The following PDE12 variants were observed in gnomAD, a reference collection of about 807,000 sequenced individuals.
The protein encoded by PDE12 is phosphodiesterase 12.
Under a neutral mutation model 45.4 loss-of-function variants are expected in PDE12, and 26 were observed. That is an observed-to-expected ratio of 0.57 (90% confidence interval 0.42 to 0.79). The LOEUF is 0.79. Among genes scored for constraint, PDE12 ranks in the 30% least tolerant of loss-of-function variants. The pLI is 0.00. For synonymous variants in PDE12, 283 were observed against 323.9 expected (o/e 0.87, Z 1.36); for missense variants, 668 against 790.0 (o/e 0.85, Z 1.85).
At chr3:57,601,437 T>C in the PDE12 span, among the ~76,000 whole-genome samples, 1 of 152,076 alleles carries the variant, frequency 6.6e-6, no homozygotes, top group Non-Finnish European at 1.5e-5. Flanking sequence ...TGAGATCTTT[T>C]TAGTCACAAA....
the PDE12 span, chr3:57,597,285 C>G: frequency 1.4e-6 from 1 of 726,454 alleles, no homozygotes; most frequent in Non-Finnish European, 2.3e-6. Flanking sequence ...GTCTCAGTGG[C>G]CCCTGTGCCG....
the PDE12 span, among the ~76,000 whole-genome samples, chr3:57,648,845 TC>T: frequency 2.0e-5 from 3 of 152,302 alleles, no homozygotes; most frequent in South Asian, 6.2e-4. Context: ...TCCTCATCTC[TC>T]ATCCTTTACA....
downstream of PDE12, among the ~76,000 whole-genome samples, chr3:57,568,902 G>A (rs930742539): frequency 7.3e-5 from 11 of 151,334 alleles, no homozygotes; most frequent in Non-Finnish European, 1.6e-4. Flanking sequence ...GAACCAGAGA[G>A]CAGATAATCG....
At chr3:57,614,547 T>G in the PDE12 span, among the ~76,000 whole-genome samples, 60 of 100,244 alleles carry the variant, frequency 6.0e-4, no homozygotes, top group Admixed American at 5.1e-3. Context: ...GTTTTTTGTT[T>G]TTTTTTTTTT....
chr3:57,623,796 C>T, the PDE12 span, among the ~76,000 whole-genome samples: 1 of 152,120 alleles, frequency 6.6e-6, no homozygotes, highest in African/African-American at 2.4e-5. Context: ...TTCAGACTGG[C>T]TGACATGGAA....
the PDE12 span, among the ~76,000 whole-genome samples, chr3:57,605,849 G>GATGA: frequency 6.6e-6 from 1 of 152,002 alleles, no homozygotes; most frequent in Non-Finnish European, 1.5e-5. Flanking sequence ...CAATGTCTGA[G>GATGA]ATGAAAAGTA....
chr3:57,584,275 A>T, the PDE12 span: 2 of 1,091,604 alleles, frequency 1.8e-6, no homozygotes, highest in Non-Finnish European at 2.7e-6. Context: ...TTTTAAAAGT[A>T]CTTCTAAGAT....
the PDE12 span, chr3:57,630,348 C>T: frequency 2.2e-6 from 3 of 1,350,034 alleles, no homozygotes; most frequent in Non-Finnish European, 3.0e-6. Context: ...AGGGTACAAT[C>T]TTCAACTTCT....
the PDE12 span, among the ~76,000 whole-genome samples, chr3:57,601,547 A>T: frequency 6.6e-6 from 1 of 152,254 alleles, no homozygotes; most frequent in African/African-American, 2.4e-5. Context: ...TTCAGCCAAT[A>T]GCAGATGTGG....
the PDE12 span, among the ~76,000 whole-genome samples, chr3:57,622,102 G>C: frequency 6.6e-6 from 1 of 152,188 alleles, no homozygotes; most frequent in Non-Finnish European, 1.5e-5. Flanking sequence ...CTTGAACCCG[G>C]GAGGTGGAGG....
At chr3:57,582,309 C>G in the PDE12 span, among the ~76,000 whole-genome samples, 1 of 149,440 alleles carries the variant, frequency 6.7e-6, no homozygotes, top group African/African-American at 2.5e-5. Context: ...ATGGTGTGAT[C>G]TCGGCTCATC....
At chr3:57,606,041 AAG>A in the PDE12 span, among the ~76,000 whole-genome samples, 1 of 152,198 alleles carries the variant, frequency 6.6e-6, no homozygotes, top group East Asian at 1.9e-4. Context: ...AAGTCCCTAA[AAG>A]AAGGGAAGAG....
the PDE12 span, among the ~76,000 whole-genome samples, chr3:57,604,735 C>G: frequency 6.6e-6 from 1 of 151,320 alleles, no homozygotes; most frequent in African/African-American, 2.4e-5. Flanking sequence ...CCCTTAGTCT[C>G]CTGAGCAGCT....
the PDE12 span, chr3:57,597,703 G>C: frequency 6.5e-6 from 1 of 153,492 alleles, no homozygotes; most frequent in African/African-American, 2.4e-5. Context: ...AGGTATTGTC[G>C]GGGTGATAGT....
rs151164510 is a variant in PDE12 at position 57,558,651 on chromosome 3, C to T, written c.1309-659C>T. On this transcript the variant is annotated intron_variant, in intron 1 of 2. Coordinates refer to ENST00000311180, the MANE Select transcript of PDE12 (RefSeq NM_177966.7). ...GACTAGAGGCGCGTGCCACCACGCC[C>T]GGCTAATTTTTTTAGTAGAGACGGG... 4.9e-3 allele frequency among the ~76,000 whole-genome samples: 740 copies of T among 151,978 alleles called. 4 individuals are homozygous for T. The highest frequency in any genetic ancestry group is 0.017 in the African/African-American group (702 of 41,512).
downstream of PDE12, among the ~76,000 whole-genome samples, chr3:57,570,217 G>GTT (rs2069824032): frequency 9.2e-5 from 6 of 65,334 alleles, no homozygotes; most frequent in East Asian, 3.2e-4. Context: ...GGTTAATCCA[G>GTT]TGTTTTTTTT....
At chr3:57,617,519 GC>G in the PDE12 span, among the ~76,000 whole-genome samples, 4 of 152,112 alleles carry the variant, frequency 2.6e-5, no homozygotes, top group Non-Finnish European at 4.4e-5. Context: ...TGTGTTTATT[GC>G]AGCACTATTC....
the PDE12 span, among the ~76,000 whole-genome samples, chr3:57,635,594 C>T: frequency 2.0e-5 from 3 of 152,048 alleles, no homozygotes; most frequent in African/African-American, 7.2e-5. Flanking sequence ...ATAATTGAAG[C>T]CTCTAAATTC....
chr3:57,652,670 G>A, the PDE12 span, among the ~76,000 whole-genome samples: 1 of 152,180 alleles, frequency 6.6e-6, no homozygotes, highest in African/African-American at 2.4e-5. Context: ...CAGTGGAGAA[G>A]CTTGGAGGAT....
Sources: gnomAD v4.1 joint callset for allele counts (sites outside exome capture counted in the v4.1 genomes callset) on GRCh38, gnomAD v4.1.1 for gene constraint, MANE v1.5 for transcripts, NCBI Gene and HGNC (gene_info 2026-07-23, HGNC 2026-07-21) for gene names.